Variants in ST8SIA4 observed in about 807,000 individuals in gnomAD.
ST8SIA4 encodes the protein CMP-N-acetylneuraminate-poly-alpha-2,8-sialyltransferase.
In ST8SIA4, 15 loss-of-function variants were observed where a neutral mutation model predicts 33.9. That is an observed-to-expected ratio of 0.44 (90% CI 0.30 to 0.68). The LOEUF is 0.68. Ranked by LOEUF, ST8SIA4 falls within the 30% of genes least tolerant of loss-of-function variation. ST8SIA4 has a pLI of 0.10. For missense variants in ST8SIA4, 321 were observed against 428.0 expected (o/e 0.75, Z 2.21); for synonymous variants, 171 against 151.2 (o/e 1.13, Z -0.96).
intron 4 of ST8SIA4, among the ~76,000 whole-genome samples, chr5:100,843,461 G>A (rs1751508667): frequency 6.6e-6 from 1 of 151,898 alleles, no homozygotes; most frequent in Admixed American, 6.6e-5. Context: ...AAAAGTGGAA[G>A]CAGGTAAGAA....
intron 2 of ST8SIA4, among the ~76,000 whole-genome samples, chr5:100,892,595 A>G (rs892152069): frequency 8.0e-5 from 12 of 150,638 alleles, no homozygotes; most frequent in Non-Finnish European, 1.6e-4. Flanking sequence ...CCACAAATGT[A>G]AAAAAAAATT....
chr5:100,880,124 CTTTTCTTT>C (rs1302614244), intron 3 of ST8SIA4, among the ~76,000 whole-genome samples: 3 of 152,132 alleles, frequency 2.0e-5, no homozygotes, highest in African/African-American at 7.2e-5. Flanking sequence ...TCCCTTTCTT[CTTTTCTTT>C]CTTACTACAT....
chr5:100,862,308 T>A (rs747102967), intron 3 of ST8SIA4, among the ~76,000 whole-genome samples: 42 of 152,214 alleles, frequency 2.8e-4, no homozygotes, highest in Non-Finnish European at 5.1e-4. Flanking sequence ...CAGTTACAAT[T>A]TCATAATAAC....
chr5:100,871,926 T>A (rs758202289), intron 3 of ST8SIA4, among the ~76,000 whole-genome samples: 1 of 152,084 alleles, frequency 6.6e-6, no homozygotes, highest in African/African-American at 2.4e-5. Context: ...TGATCCCTAA[T>A]CTTTAGAACA....
At chr5:100,838,494 G>A (rs527410208) in intron 4 of ST8SIA4, among the ~76,000 whole-genome samples, 46 of 151,774 alleles carry the variant, frequency 3.0e-4, no homozygotes, top group Non-Finnish European at 4.9e-4. Context: ...GACTGCTAAC[G>A]AATACACATC....
intron 4 of ST8SIA4, chr5:100,816,637 G>T: frequency 2.0e-6 from 1 of 501,392 alleles, no homozygotes; most frequent in Admixed American, 2.5e-5. Context: ...AGAAGAATTT[G>T]AATATCAAGG....
intron 4 of ST8SIA4, among the ~76,000 whole-genome samples, chr5:100,835,318 G>A (rs1404911020): frequency 6.6e-6 from 1 of 152,036 alleles, no homozygotes; most frequent in Non-Finnish European, 1.5e-5. Context: ...TTTTGAAAGA[G>A]GTTGTCATTT....
At chr5:100,891,837 C>G (rs547614875) in intron 2 of ST8SIA4, among the ~76,000 whole-genome samples, 1 of 152,140 alleles carries the variant, frequency 6.6e-6, no homozygotes, top group African/African-American at 2.4e-5. Flanking sequence ...CACTAATAAG[C>G]TTTGTGACCC....
At chr5:100,839,842 A>G (rs1410523836) in intron 4 of ST8SIA4, among the ~76,000 whole-genome samples, 2 of 151,792 alleles carry the variant, frequency 1.3e-5, no homozygotes, top group South Asian at 2.1e-4. Flanking sequence ...GGAATCAGCA[A>G]CTCTAACTGT....
intron 4 of ST8SIA4, among the ~76,000 whole-genome samples, chr5:100,849,835 C>CA (rs968857328): frequency 1.1e-4 from 16 of 151,754 alleles, no homozygotes; most frequent in African/African-American, 3.1e-4. Context: ...AAAAAACAAA[C>CA]AAAAAAACAC....
At position 100,849,517 on chromosome 5, in the gene ST8SIA4, C is replaced by G. The variant is rs138862886; in HGVS notation, c.797+6586G>C. On this transcript the variant is annotated intron_variant, in intron 4 of 4. Transcript: ENST00000231461. ...ACACTGCTGGCTGAGCGCGGTGGCT[C>G]ACGCCTGTAATCCCCGCACTTTGGG... The G allele has an allele frequency of 2.3e-3, 2,189 of 949,780 alleles. 34 individuals are homozygous for G. The African/African-American group carries it at 0.036, about 16-fold the overall frequency. The allele number at this position is 949,780 out of a possible 1,614,324, so 58.8% of individuals were successfully genotyped here.
intron 3 of ST8SIA4, among the ~76,000 whole-genome samples, chr5:100,857,528 A>C (rs1045266020): frequency 6.6e-6 from 1 of 152,006 alleles, no homozygotes; most frequent in Admixed American, 6.6e-5. Flanking sequence ...TCATGAAAAT[A>C]TGAAACTATT....
chr5:100,900,557 T>C (rs772780436), intron 1 of ST8SIA4: 1 of 453,758 alleles, frequency 2.2e-6, no homozygotes, highest in Admixed American at 2.4e-5. Context: ...TCAGGGAGCC[T>C]AGCTGCCCTC....
chr5:100,899,754 A>G (rs1351622998), intron 1 of ST8SIA4, among the ~76,000 whole-genome samples: 1 of 152,224 alleles, frequency 6.6e-6, no homozygotes, highest in African/African-American at 2.4e-5. Context: ...TTACATTAAC[A>G]CATTTCCAGT....
chr5:100,817,112 T>A (rs1396937756), intron 4 of ST8SIA4, among the ~76,000 whole-genome samples: 4 of 4,872 alleles, frequency 8.2e-4, no homozygotes, highest in Admixed American at 1.4e-3. Context: ...CCAGCTAATT[T>A]TTTTTTTTTT....
chr5:100,870,688 T>A (rs1752179714), intron 3 of ST8SIA4, among the ~76,000 whole-genome samples: 1 of 152,092 alleles, frequency 6.6e-6, no homozygotes, highest in Non-Finnish European at 1.5e-5. Flanking sequence ...GTGTGAGGAG[T>A]GACATAATTA....
intron 4 of ST8SIA4, among the ~76,000 whole-genome samples, chr5:100,834,782 G>C (rs1038747866): frequency 6.6e-6 from 1 of 152,080 alleles, no homozygotes; most frequent in Non-Finnish European, 1.5e-5. Flanking sequence ...CACCATGTGA[G>C]AGCCTGTCCC....
intron 2 of ST8SIA4, among the ~76,000 whole-genome samples, chr5:100,891,716 T>C (rs1473588250): frequency 6.6e-6 from 1 of 152,010 alleles, no homozygotes; most frequent in East Asian, 1.9e-4. Flanking sequence ...TATTCCATAA[T>C]GATAAATTTT....
rs757872491 is a variant in ST8SIA4 at position 100,856,126 on chromosome 5, C to T, written c.774G>A (p.Leu258=). 1 of 1,613,992 alleles carries T rather than the reference C, an allele frequency of 6.2e-7. No homozygotes were observed. Among genetic ancestry groups the T allele is most frequent in the South Asian group, 1.1e-5 (1 of 91,058 alleles). ...KLKVRTAYPS[L]RLIHAVRGYW... is the part of the protein sequence containing the mutation. ...ACCCTCTGACAGCATGAATAAGTCT[C>T]AATGACGGATAGGCAGTTCGCACTT... is the stretch of plus-strand genomic sequence containing the variant. Residue 258 remains leucine, a synonymous_variant, in exon 4 of 5, where the codon TTG becomes TTA. Transcript: ENST00000231461.
Sources: gnomAD v4.1 joint callset for allele counts (sites outside exome capture counted in the v4.1 genomes callset) on GRCh38, gnomAD v4.1.1 for gene constraint, MANE v1.5 for transcripts, NCBI Gene and HGNC (gene_info 2026-07-23, HGNC 2026-07-21) for gene names.